Variants in CSMD1 observed in about 807,000 individuals in gnomAD.
CSMD1 encodes CUB and Sushi multiple domains 1.
Under a neutral mutation model 417.5 loss-of-function variants are expected in CSMD1, and 213 were observed. The ratio of observed to expected loss-of-function variants is 0.51; its 90% CI spans 0.46 to 0.57. The LOEUF is 0.57. Ranked by LOEUF, CSMD1 falls within the 20% of genes least tolerant of loss-of-function variation. CSMD1 has a pLI of 0.00. For missense variants in CSMD1, 6,923 were observed against 4,529.7 expected (o/e 1.53, Z -15.17); for synonymous variants, 2,862 against 1,736.8 (o/e 1.65, Z -16.11).
chr8:3,526,464 CT>C (rs1296218552), intron 10 of CSMD1, among the ~76,000 whole-genome samples: 1 of 152,078 alleles, frequency 6.6e-6, no homozygotes, highest in Non-Finnish European at 1.5e-5. Context: ...TTACCAGAAG[CT>C]GGCTATTCTG....
At chr8:3,576,627 G>A (rs899010165) in intron 9 of CSMD1, among the ~76,000 whole-genome samples, 6 of 152,108 alleles carry the variant, frequency 3.9e-5, no homozygotes, top group Admixed American at 6.5e-5. Flanking sequence ...AACAAACATG[G>A]GTAAAACATA....
chr8:3,268,588 G>C (rs1305192132), intron 26 of CSMD1, among the ~76,000 whole-genome samples: 1 of 152,042 alleles, frequency 6.6e-6, no homozygotes, highest in Non-Finnish European at 1.5e-5. Context: ...GCCAGGCCCA[G>C]ATGGTTCATT....
intron 3 of CSMD1, among the ~76,000 whole-genome samples, chr8:4,139,083 T>C (rs552289436): frequency 2.6e-5 from 4 of 152,254 alleles, no homozygotes; most frequent in African/African-American, 9.6e-5. Flanking sequence ...ACAATGTCTT[T>C]TACCGACCAC....
At chr8:4,132,649 A>G (rs1307250899) in intron 3 of CSMD1, among the ~76,000 whole-genome samples, 1 of 152,142 alleles carries the variant, frequency 6.6e-6, no homozygotes, top group African/African-American at 2.4e-5. Flanking sequence ...TAAATATTCT[A>G]TCTTCACAAC....
chr8:3,886,329 G>GT (rs1249349543), intron 5 of CSMD1, among the ~76,000 whole-genome samples: 1 of 152,194 alleles, frequency 6.6e-6, no homozygotes, highest in Non-Finnish European at 1.5e-5. Context: ...GATTACAGGC[G>GT]TGGGCCACTG....
At chr8:3,523,243 G>A (rs574227183) in intron 10 of CSMD1, among the ~76,000 whole-genome samples, 1 of 152,078 alleles carries the variant, frequency 6.6e-6, no homozygotes, top group African/African-American at 2.4e-5. Flanking sequence ...AAGACCTAAA[G>A]CATCTACCAT....
chr8:4,039,607 A>T lies in CSMD1; in HGVS notation c.416-7508T>A, dbSNP rs145449358. On this transcript the variant is annotated intron_variant, in intron 3 of 69. Transcript: ENST00000635120. ...CTACTTTCAAAAAGTCTCATTCTCC[A>T]GGATGAGGAATGACAGTGAAAGAGA... Among the ~76,000 whole-genome samples, 1,430 of 152,298 alleles carry T rather than the reference A, an allele frequency of 9.4e-3. 19 individuals are homozygous for T. Among genetic ancestry groups the T allele is most frequent in the African/African-American group, 0.033 (1,364 of 41,560 alleles).
intron 3 of CSMD1, among the ~76,000 whole-genome samples, chr8:4,053,195 T>C (rs1205254359): frequency 2.6e-5 from 4 of 152,208 alleles, no homozygotes; most frequent in African/African-American, 4.8e-5. Flanking sequence ...CCTGAAAATA[T>C]AACACGTTAT....
chr8:4,713,275 T>C (rs376478671), intron 1 of CSMD1, among the ~76,000 whole-genome samples: 1 of 152,224 alleles, frequency 6.6e-6, no homozygotes, highest in African/African-American at 2.4e-5. Context: ...CAGGAGAGTG[T>C]AGTTTAAGTT....
At chr8:3,276,591 C>T (rs754264639) in intron 26 of CSMD1, among the ~76,000 whole-genome samples, 28 of 152,088 alleles carry the variant, frequency 1.8e-4, no homozygotes, top group Non-Finnish European at 2.9e-4. Flanking sequence ...TCCCATGATA[C>T]GTGGGAATTG....
intron 12 of CSMD1, among the ~76,000 whole-genome samples, chr8:3,430,205 C>T (rs1168540292): frequency 6.6e-6 from 1 of 152,112 alleles, no homozygotes; most frequent in Admixed American, 6.5e-5. Flanking sequence ...TTTGATACAT[C>T]TTCCACTGAT....
At chr8:3,875,368 C>T (rs1272975143) in intron 5 of CSMD1, among the ~76,000 whole-genome samples, 8 of 152,104 alleles carry the variant, frequency 5.3e-5, no homozygotes, top group African/African-American at 9.7e-5. Context: ...CAGTGAGTGA[C>T]GTTTTGGCGA....
At position 4,218,966 on chromosome 8, in the gene CSMD1, C is replaced by T. The variant is rs551856022; in HGVS notation, c.416-186867G>A. The stretch of plus-strand genomic sequence containing the variant: ...CAATGCTATTTTTTCCAACGTATGT[C>T]TAATCAAATACTCCCGGTGTACAGC... On this transcript the variant is annotated intron_variant, in intron 3 of 69. Transcript: ENST00000635120. 2.6e-4 allele frequency among the ~76,000 whole-genome samples: 40 copies of T among 152,292 alleles called. No individual in the cohort carries two copies. The South Asian group carries it at 7.7e-3, about 29-fold the overall frequency.
intron 1 of CSMD1, among the ~76,000 whole-genome samples, chr8:4,950,578 C>G (rs188576441): frequency 2.0e-5 from 3 of 152,192 alleles, no homozygotes; most frequent in Admixed American, 6.5e-5. Flanking sequence ...AATTTAGTTT[C>G]TATGTAAAAC....
chr8:4,545,691 T>A (rs1277110485), intron 2 of CSMD1, among the ~76,000 whole-genome samples: 1 of 152,148 alleles, frequency 6.6e-6, no homozygotes, highest in East Asian at 1.9e-4. Context: ...GCTCACTATT[T>A]TCTCTGTTAA....
At chr8:4,686,429 G>T (rs567496147) in intron 1 of CSMD1, among the ~76,000 whole-genome samples, 4 of 152,166 alleles carry the variant, frequency 2.6e-5, no homozygotes, top group Admixed American at 6.5e-5. Flanking sequence ...CTTCTCCCCC[G>T]ATGTAGGCCA....
intron 5 of CSMD1, among the ~76,000 whole-genome samples, chr8:3,760,400 T>C (rs958985622): frequency 1.3e-5 from 2 of 152,238 alleles, no homozygotes; most frequent in Non-Finnish European, 2.9e-5. Flanking sequence ...TCCTTACAGT[T>C]ACGACGACCT....
chr8:4,204,844 A>G (rs1799882096), intron 3 of CSMD1, among the ~76,000 whole-genome samples: 1 of 151,994 alleles, frequency 6.6e-6, no homozygotes, highest in Non-Finnish European at 1.5e-5. Flanking sequence ...TTTTTTTTAC[A>G]AAGACAGGGT....
chr8:4,784,752 G>T (rs1035650459), intron 1 of CSMD1, among the ~76,000 whole-genome samples: 1 of 152,144 alleles, frequency 6.6e-6, no homozygotes, highest in African/African-American at 2.4e-5. Context: ...AGTCATATCT[G>T]CAAAGATCTT....
Sources: gnomAD v4.1 joint callset for allele counts (sites outside exome capture counted in the v4.1 genomes callset) on GRCh38, gnomAD v4.1.1 for gene constraint, MANE v1.5 for transcripts, NCBI Gene and HGNC (gene_info 2026-07-23, HGNC 2026-07-21) for gene names.